The following TRABD2B variants were observed in gnomAD, a reference collection of about 807,000 sequenced individuals.
TRABD2B encodes the protein TraB domain containing 2B.
TRABD2B carries 14 observed loss-of-function variants against 40.1 expected under a neutral mutation model. That is an observed-to-expected ratio of 0.35 (90% CI 0.23 to 0.55). The LOEUF (loss-of-function observed/expected upper bound fraction) is 0.55. Ranked by LOEUF, TRABD2B falls within the 20% of genes least tolerant of loss-of-function variation. The pLI, the probability that TRABD2B is intolerant of heterozygous loss-of-function variation, is 0.90. For synonymous variants in TRABD2B, 263 were observed against 277.0 expected (o/e 0.95, Z 0.50); for missense variants, 541 against 648.6 (o/e 0.83, Z 1.80).
At chr1:47,830,770 G>C (rs1645237613) in intron 2 of TRABD2B, among the ~76,000 whole-genome samples, 1 of 152,214 alleles carries the variant, frequency 6.6e-6, no homozygotes, top group Admixed American at 6.5e-5. Context: ...AAAGACGGAG[G>C]CAAAGAGGGA....
chr1:47,929,690 C>A (rs1295501464), intron 2 of TRABD2B, among the ~76,000 whole-genome samples: 1 of 152,208 alleles, frequency 6.6e-6, no homozygotes, highest in Non-Finnish European at 1.5e-5. Context: ...CAGAACCCAG[C>A]TCGGGACCTG....
intron 4 of TRABD2B, among the ~76,000 whole-genome samples, chr1:47,781,944 CT>C (rs1430298943): frequency 2.0e-5 from 3 of 152,228 alleles, no homozygotes; most frequent in African/African-American, 7.2e-5. Flanking sequence ...TCACTGCCCC[CT>C]ATCTGTCCTG....
intron 4 of TRABD2B, among the ~76,000 whole-genome samples, chr1:47,787,832 C>A (rs891753106): frequency 1.3e-5 from 2 of 152,100 alleles, no homozygotes; most frequent in African/African-American, 4.8e-5. Context: ...CTTCTTAGTG[C>A]TCAGGGAGTG....
chr1:47,872,716 C>T (rs1337538040), intron 2 of TRABD2B, among the ~76,000 whole-genome samples: 1 of 152,094 alleles, frequency 6.6e-6, no homozygotes, highest in Non-Finnish European at 1.5e-5. Flanking sequence ...TTTACCTTAT[C>T]TTGGGGAGAA....
At chr1:47,937,396 T>C (rs563060271) in intron 2 of TRABD2B, among the ~76,000 whole-genome samples, 1 of 151,896 alleles carries the variant, frequency 6.6e-6, no homozygotes, top group African/African-American at 2.4e-5. Flanking sequence ...ATCATAATCA[T>C]CACCATCATC....
intron 2 of TRABD2B, among the ~76,000 whole-genome samples, chr1:47,860,779 T>C (rs1458111592): frequency 6.6e-6 from 1 of 152,100 alleles, no homozygotes; most frequent in Admixed American, 6.5e-5. Flanking sequence ...CTCTCATGGG[T>C]TGTTATAATG....
chr1:47,874,862 A>G (rs981413580), intron 2 of TRABD2B, among the ~76,000 whole-genome samples: 1 of 151,964 alleles, frequency 6.6e-6, no homozygotes, highest in African/African-American at 2.4e-5. Context: ...GGATTACAGG[A>G]GTGAGCCACT....
At chr1:47,931,915 G>C (rs1417565827) in intron 2 of TRABD2B, among the ~76,000 whole-genome samples, 1 of 152,178 alleles carries the variant, frequency 6.6e-6, no homozygotes, top group African/African-American at 2.4e-5. Flanking sequence ...AGAGGAAAGG[G>C]ACAAAGAGTA....
At chr1:47,976,523 T>A (rs190665739) in intron 2 of TRABD2B, among the ~76,000 whole-genome samples, 2 of 152,336 alleles carry the variant, frequency 1.3e-5, no homozygotes, top group East Asian at 3.9e-4. Flanking sequence ...ACACAAATAT[T>A]TCTACTCTCA....
At chr1:47,975,067 A>G (rs545211630) in intron 2 of TRABD2B, among the ~76,000 whole-genome samples, 2 of 152,342 alleles carry the variant, frequency 1.3e-5, no homozygotes, top group South Asian at 4.1e-4. Flanking sequence ...GATGATAAGT[A>G]AACGTGATAC....
intron 2 of TRABD2B, among the ~76,000 whole-genome samples, chr1:47,831,043 C>T (rs1645240870): frequency 7.0e-6 from 1 of 143,262 alleles, no homozygotes; most frequent in African/African-American, 2.6e-5. Context: ...ATTCCCCCAG[C>T]CCTTGAGTGC....
chr1:47,851,798 C>T (rs969017163), intron 2 of TRABD2B, among the ~76,000 whole-genome samples: 1 of 152,182 alleles, frequency 6.6e-6, no homozygotes, highest in Non-Finnish European at 1.5e-5. Flanking sequence ...CTGTCCTGGG[C>T]CTTCCCATTG....
At chr1:47,799,131 C>T (rs1281100736) in intron 3 of TRABD2B, among the ~76,000 whole-genome samples, 1 of 152,204 alleles carries the variant, frequency 6.6e-6, no homozygotes, top group East Asian at 1.9e-4. Context: ...CTGAGCTTGC[C>T]TTCTCCTGAG....
chr1:47,920,811 T>G (rs1321667816), intron 2 of TRABD2B, among the ~76,000 whole-genome samples: 1 of 152,176 alleles, frequency 6.6e-6, no homozygotes, highest in Non-Finnish European at 1.5e-5. Context: ...TGAATGACAC[T>G]ATGGGAGATC....
chr1:47,932,870 C>T (rs879192244), intron 2 of TRABD2B, among the ~76,000 whole-genome samples: 2 of 152,200 alleles, frequency 1.3e-5, no homozygotes, highest in Admixed American at 6.5e-5. Context: ...TGTCAAGTGA[C>T]TAGTTCAAAG....
intron 2 of TRABD2B, among the ~76,000 whole-genome samples, chr1:47,916,060 A>G (rs1230816026): frequency 6.6e-6 from 1 of 151,064 alleles, no homozygotes; most frequent in Non-Finnish European, 1.5e-5. Context: ...GACGCCGCAG[A>G]CAGCCCTAAA....
In TRABD2B at chr1:47,801,512, T is replaced by C. The variant is rs1322236564; in HGVS notation, c.774A>G (p.Gly258=). 1.3e-6 allele frequency: 2 copies of C among 1,535,998 alleles called. No homozygotes were observed. The highest frequency in any genetic ancestry group is 4.9e-5 in the East Asian group (2 of 40,930). Residue 258 remains glycine (G), a synonymous_variant, in exon 3 of 7, where the codon GGA becomes GGG. Coordinates refer to ENST00000606738, the MANE Select transcript of TRABD2B (RefSeq NM_001194986.2). ...GGTTGAAGATGACTGCGCTGAGGTCTCCGCAGTTGTAGTGCTTGATGAGGT... is the reference window on the plus strand; with the variant it reads ...GGTTGAAGATGACTGCGCTGAGGTCCCCGCAGTTGTAGTGCTTGATGAGGT... ...TEDLIKHYNC[G]DLSAVIFNHD...
chr1:47,967,336 A>AACACACACACACACAC (rs56776440), intron 2 of TRABD2B, among the ~76,000 whole-genome samples: 1 of 147,278 alleles, frequency 6.8e-6, no homozygotes, highest in African/African-American at 2.5e-5. Flanking sequence ...TAAGCAAGAA[A>AACACACACACACACAC]ACACACACAC....
chr1:47,845,202 C>T (rs1313922892), intron 2 of TRABD2B, among the ~76,000 whole-genome samples: 2 of 152,130 alleles, frequency 1.3e-5, no homozygotes, highest in Non-Finnish European at 2.9e-5. Flanking sequence ...TTTTCTGCCA[C>T]GTTATGGAAA....
Sources: gnomAD v4.1 joint callset for allele counts (sites outside exome capture counted in the v4.1 genomes callset) on GRCh38, gnomAD v4.1.1 for gene constraint, MANE v1.5 for transcripts, NCBI Gene and HGNC (gene_info 2026-07-23, HGNC 2026-07-21) for gene names.